The following BAALC variants were observed in gnomAD, a reference collection of about 807,000 sequenced individuals.
BAALC encodes brain and acute leukemia cytoplasmic protein.
In BAALC, 9 loss-of-function variants were observed where a neutral mutation model predicts 15.5. That is an observed-to-expected ratio of 0.58 (90% CI 0.35 to 1.02). The LOEUF (loss-of-function observed/expected upper bound fraction) is 1.02. BAALC is among the 50% of genes least tolerant of loss of function. The pLI, the probability that BAALC is intolerant of heterozygous loss-of-function variation, is 0.02. For missense variants in BAALC, 201 were observed against 192.4 expected (o/e 1.04, Z -0.27); for synonymous variants, 80 against 74.6 (o/e 1.07, Z -0.37).
Position 103,140,819 on chromosome 8 carries a change from C to G in BAALC, c.-79C>G, listed in dbSNP as rs543402318. 6 of 1,248,328 alleles carry G rather than the reference C, an allele frequency of 4.8e-6. No individual in the cohort carries two copies. In the East Asian group the frequency reaches 1.0e-4, roughly 21 times the overall value. The allele number at this position is 1,248,328 out of a possible 1,614,324, so 77.3% of individuals were successfully genotyped here. The stretch of plus-strand genomic sequence containing the variant: ...TCGCCGCCGCCGCCTCCTTGCGGGC[C>G]GGGGCTGCGCCTCCGGGGCTGAGCC... On this transcript the variant is annotated 5_prime_UTR_variant, in exon 1 of 3. Transcript: ENST00000309982. The surrounding 1 kb of genome is among the most constrained non-coding windows in gnomAD (Gnocchi z 4.2).
rs993472113 is a variant in BAALC at position 103,140,933 on chromosome 8, G to GC, written c.40dup (p.Arg14ProfsTer71). 2.0e-6 allele frequency: 3 copies of GC among 1,531,000 alleles called. No individual in the cohort carries two copies. The African/African-American group carries it at 4.3e-5, about 22-fold the overall frequency. The allele number at this position is 1,531,000 out of a possible 1,614,324, so 94.8% of individuals were successfully genotyped here. A position where few individuals can be genotyped will look rare whatever the true frequency, so the allele number is the denominator to read the frequency against. ...GCGGGAGCCGGGCGGATGCCATCGA[G>GC]CCCCGCTACTACGAGAGCTGGACCC... On this transcript the variant is annotated frameshift_variant, in exon 1 of 3. Transcript: ENST00000309982. LOFTEE classifies it high-confidence loss of function. This position sits in a 1 kb window ranked among gnomAD's most constrained non-coding sequence, Gnocchi z 4.2.
At chr8:103,144,930 C>A (rs113727032) in intron 1 of BAALC, among the ~76,000 whole-genome samples, 2,208 of 152,266 alleles carry the variant, frequency 0.015, 67 homozygotes, top group African/African-American at 0.05. Context: ...ACTTCAGGAA[C>A]GAGGCAGGAA....
intron 1 of BAALC, among the ~76,000 whole-genome samples, chr8:103,162,822 C>T (rs1811257675): frequency 6.6e-6 from 1 of 152,102 alleles, no homozygotes; most frequent in African/African-American, 2.4e-5. Flanking sequence ...TTCTTGAATA[C>T]TGGTAAGACA....
Position 103,228,334 on chromosome 8 carries a change from A to G in BAALC, c.*235A>G. ...GTGCTTACATATGTTAATAAACTGCAAATGTGCAGTTCAGTTTGTCTCTTT... is the reference window on the plus strand; with the variant it reads ...GTGCTTACATATGTTAATAAACTGCGAATGTGCAGTTCAGTTTGTCTCTTT... On this transcript the variant is annotated 3_prime_UTR_variant, in exon 3 of 3. Transcript: ENST00000309982. The G allele has an allele frequency of 2.3e-6, 1 of 434,726 alleles. No individual in the cohort carries two copies. The highest frequency in any genetic ancestry group is 4.1e-6 in the Non-Finnish European group (1 of 244,134). The allele number at this position is 434,726 out of a possible 1,614,324, so 26.9% of individuals were successfully genotyped here.
chr8:103,171,740 A>C (rs1191702251), intron 1 of BAALC, among the ~76,000 whole-genome samples: 7 of 152,204 alleles, frequency 4.6e-5, no homozygotes, highest in Admixed American at 3.9e-4. Context: ...GAAAGACCTC[A>C]CTAGCAGATT....
chr8:103,184,942 C>T (rs768330712), intron 1 of BAALC, among the ~76,000 whole-genome samples: 22 of 152,160 alleles, frequency 1.4e-4, no homozygotes, highest in Non-Finnish European at 2.6e-4. Context: ...AAGAATGTCT[C>T]AGTGTTTCTC....
chr8:103,141,026 C>A lies in BAALC; in HGVS notation c.129C>A (p.Asp43Glu), dbSNP rs1344350870. 1 of 1,516,206 alleles carries A rather than the reference C, an allele frequency of 6.6e-7. No homozygotes were observed. The highest frequency in any genetic ancestry group is 8.8e-7 in the Non-Finnish European group (1 of 1,132,342). 93.9% of individuals were successfully genotyped at this position (1,516,206 alleles called of 1,614,324 possible). ...SDAPPSAAAP[D>E]SGPEAGGLHS... is the part of the protein sequence containing the mutation. ...CGCCGCCCAGCGCCGCCGCCCCGGA[C>A]AGCGGCCCCGAAGCGGGCGGCCTGC... Residue 43 changes from aspartate (D) to glutamate (E), a missense_variant, in exon 1 of 3, where the codon GAC becomes GAA. Transcript: ENST00000309982.
chr8:103,213,070 C>T lies in BAALC; in HGVS notation c.312C>T (p.Gly104=). Residue 104 remains glycine, a synonymous_variant, in exon 2 of 3, where the codon GGC becomes GGT. Coordinates refer to ENST00000309982, the MANE Select transcript of BAALC (RefSeq NM_024812.3). ...SSGPLTQKQN[G]LQTTEAKRDA... ...GCCCTCTGACCCAGAAACAGAATGGCCTTCAGACCACAGAGGTAGGGTTGC... is the reference window on the plus strand; with the variant it reads ...GCCCTCTGACCCAGAAACAGAATGGTCTTCAGACCACAGAGGTAGGGTTGC... 1 of 1,613,924 alleles carries T rather than the reference C, an allele frequency of 6.2e-7. No individual in the cohort carries two copies. The highest frequency in any genetic ancestry group is 1.1e-5 in the South Asian group (1 of 91,052).
At chr8:103,154,449 A>G (rs1811046135) in intron 1 of BAALC, among the ~76,000 whole-genome samples, 1 of 152,054 alleles carries the variant, frequency 6.6e-6, no homozygotes, top group African/African-American at 2.4e-5. Context: ...CTCCCACTCC[A>G]ATCCCCTTCA....
intron 2 of BAALC, among the ~76,000 whole-genome samples, chr8:103,222,672 T>G (rs1461770583): frequency 6.6e-6 from 1 of 152,238 alleles, no homozygotes; most frequent in African/African-American, 2.4e-5. Context: ...TGCATTGTTG[T>G]TCTAATTATT....
At chr8:103,169,764 G>A (rs1355536372) in intron 1 of BAALC, among the ~76,000 whole-genome samples, 2 of 152,130 alleles carry the variant, frequency 1.3e-5, no homozygotes, top group Admixed American at 1.3e-4. Context: ...GTGATCCTCT[G>A]TCCAGAAAGT....
chr8:103,212,363 G>A (rs912419679), intron 1 of BAALC, among the ~76,000 whole-genome samples: 1 of 152,060 alleles, frequency 6.6e-6, no homozygotes, highest in Non-Finnish European at 1.5e-5. Flanking sequence ...TGAGAGGATC[G>A]CTTGAGCCCA....
At chr8:103,222,603 CT>C (rs1473631186) in intron 2 of BAALC, among the ~76,000 whole-genome samples, 1 of 152,196 alleles carries the variant, frequency 6.6e-6, no homozygotes, top group East Asian at 1.9e-4. Flanking sequence ...TGGTTGGGTA[CT>C]TTTCCGGCAA....
intron 1 of BAALC, among the ~76,000 whole-genome samples, chr8:103,157,669 G>T (rs1468000254): frequency 6.6e-6 from 1 of 152,102 alleles, no homozygotes; most frequent in Non-Finnish European, 1.5e-5. Flanking sequence ...TAAAAAATTA[G>T]CCAAGCATGG....
chr8:103,152,878 C>T (rs1811014561), intron 1 of BAALC, among the ~76,000 whole-genome samples: 1 of 152,188 alleles, frequency 6.6e-6, no homozygotes, highest in East Asian at 1.9e-4. Context: ...GCTGCACCAT[C>T]TTATTTCAAA....
At chr8:103,157,359 C>T (rs1323675267) in intron 1 of BAALC, among the ~76,000 whole-genome samples, 14 of 152,232 alleles carry the variant, frequency 9.2e-5, no homozygotes, top group Admixed American at 5.2e-4. Context: ...TAAACCCCCA[C>T]GTATCCATCA....
At chr8:103,142,619 TA>T (rs1275212336) in intron 1 of BAALC, among the ~76,000 whole-genome samples, 1 of 151,902 alleles carries the variant, frequency 6.6e-6, no homozygotes, top group Non-Finnish European at 1.5e-5. Flanking sequence ...AAAATAATAA[TA>T]AAAAACAACC....
chr8:103,174,271 A>C (rs1362577012), intron 1 of BAALC, among the ~76,000 whole-genome samples: 2 of 152,046 alleles, frequency 1.3e-5, no homozygotes, highest in African/African-American at 2.4e-5. Flanking sequence ...AAAAAAAAAA[A>C]AAAAAGTGCC....
intron 2 of BAALC, among the ~76,000 whole-genome samples, chr8:103,219,172 G>A (rs1383592173): frequency 6.6e-6 from 1 of 152,204 alleles, no homozygotes; most frequent in Non-Finnish European, 1.5e-5. Flanking sequence ...CTCTTGTAGA[G>A]ATTTGTAAGA....
Sources: gnomAD v4.1 joint callset for allele counts (sites outside exome capture counted in the v4.1 genomes callset) on GRCh38, gnomAD v4.1.1 for gene constraint, Gnocchi (gnomAD v3.1) non-coding constraint, MANE v1.5 for transcripts, NCBI Gene and HGNC (gene_info 2026-07-23, HGNC 2026-07-21) for gene names.